Variants in SENP1 observed in about 807,000 individuals in gnomAD.
The protein encoded by SENP1 is sentrin-specific protease 1.
A neutral mutation model predicts 93.0 loss-of-function variants in SENP1; 21 were observed. The observed-to-expected ratio is 0.23, with a 90% CI of 0.16 to 0.33. The LOEUF is 0.33. Ranked by LOEUF, SENP1 falls within the 10% of genes least tolerant of loss-of-function variation. The pLI, the probability that SENP1 is intolerant of heterozygous loss-of-function variation, is 1.00. For missense variants in SENP1, 591 were observed against 758.7 expected, an observed-to-expected ratio of 0.78 and a Z score of 2.60; for synonymous variants, 256 against 259.6, an observed-to-expected ratio of 0.99 and a Z score of 0.13.
intron 6 of SENP1, chr12:48,080,497 ATTCCTGAAGTT>A (rs1944425561): frequency 1.3e-5 from 2 of 152,352 alleles, no homozygotes; most frequent in African/African-American, 4.8e-5. Context: ...AAGACTTCAT[ATTCCTGAAGTT>A]GATGGACAAA....
intron 9 of SENP1, among the ~76,000 whole-genome samples, chr12:48,068,081 C>T (rs1241296762): frequency 6.6e-6 from 1 of 152,050 alleles, no homozygotes; most frequent in Non-Finnish European, 1.5e-5. Flanking sequence ...ACCATGTTGG[C>T]CAGGCTGGTC....
chr12:48,086,828 C>G (rs1477348335), intron 5 of SENP1, among the ~76,000 whole-genome samples: 1 of 152,184 alleles, frequency 6.6e-6, no homozygotes, highest in East Asian at 1.9e-4. Context: ...ATCACAAGGT[C>G]TGGAGTTCGA....
At chr12:48,096,906 A>T (rs1945603779) in intron 3 of SENP1, among the ~76,000 whole-genome samples, 1 of 152,178 alleles carries the variant, frequency 6.6e-6, no homozygotes, top group Admixed American at 6.5e-5. Context: ...GGACTTCAAG[A>T]CTAGCAATGG....
At chr12:48,085,271 C>T (rs933948782) in intron 5 of SENP1, 139 of 1,554,082 alleles carry the variant, frequency 8.9e-5, no homozygotes, top group Admixed American at 7.7e-4. Flanking sequence ...ACCAGTACAT[C>T]GCAGAGATGG....
intron 5 of SENP1, chr12:48,085,109 G>T: frequency 7.2e-7 from 1 of 1,388,312 alleles, no homozygotes; most frequent in South Asian, 1.2e-5. Flanking sequence ...ACAAGGACAC[G>T]GTGACTGGTT....
chr12:48,065,545 C>G (rs1395416814), intron 11 of SENP1, 51 bp downstream of exon 11: 1 of 1,248,438 alleles, frequency 8.0e-7, no homozygotes, highest in East Asian at 2.5e-5. Flanking sequence ...AAAATAGTTT[C>G]TACTTTGATG....
intron 2 of SENP1, among the ~76,000 whole-genome samples, chr12:48,100,220 T>C (rs1368508005): frequency 6.6e-6 from 1 of 152,162 alleles, no homozygotes; most frequent in Non-Finnish European, 1.5e-5. Context: ...GTACTACAAA[T>C]GAAATAGTGA....
chr12:48,068,998 C>T (rs745595818), intron 9 of SENP1, among the ~76,000 whole-genome samples: 16 of 151,252 alleles, frequency 1.1e-4, no homozygotes, highest in Non-Finnish European at 2.1e-4. Context: ...ACTAAAAATA[C>T]AAAAATTAGC....
intron 13 of SENP1, 46 bp downstream of exon 13, chr12:48,063,664 C>A: frequency 6.3e-7 from 1 of 1,575,676 alleles, no homozygotes; most frequent in Non-Finnish European, 8.7e-7. Flanking sequence ...AATTTAACTG[C>A]CACTTAATGT....
chr12:48,074,543 A>C lies in SENP1; in HGVS notation c.721T>G (p.Cys241Gly). ...KDSLFKNGNS[C>G]ASQIIGSDTS... Reference sequence around the variant, plus strand: ...TCAGAGCCAATGATCTGAGATGCACAAGAGTTTCCATTTTTAAACAGTGAG... The same window carrying C: ...TCAGAGCCAATGATCTGAGATGCACCAGAGTTTCCATTTTTAAACAGTGAG... The change falls in exon 8 of 18, where the codon TGT becomes GGT. Residue 241 changes from cysteine to glycine, a missense_variant. Coordinates refer to ENST00000549518, the MANE Select transcript of SENP1 (RefSeq NM_001267594.2). 1.9e-6 allele frequency: 3 copies of C among 1,613,812 alleles called. No homozygotes were observed. The highest frequency in any genetic ancestry group is 2.5e-6 in the Non-Finnish European group (3 of 1,179,728).
At chr12:48,078,693 A>G (rs1944312361) in intron 6 of SENP1, among the ~76,000 whole-genome samples, 1 of 151,972 alleles carries the variant, frequency 6.6e-6, no homozygotes, top group African/African-American at 2.4e-5. Context: ...GCTAACTGAC[A>G]ATCTTATTTC....
chr12:48,105,205 A>G (rs1946408654), intron 1 of SENP1: 3 of 346,758 alleles, frequency 8.7e-6, no homozygotes, highest in Non-Finnish European at 1.7e-5. Flanking sequence ...TAATAAGTGT[A>G]CCAAATATGA....
At chr12:48,089,443 A>G (rs1168828074) in intron 4 of SENP1, 1 of 827,578 alleles carries the variant, frequency 1.2e-6, no homozygotes, top group Non-Finnish European at 1.6e-6. Context: ...ACTCTCTCAA[A>G]GAGCAGAGAT....
In SENP1 at chr12:48,085,174, T is replaced by G. The variant is rs953152203; in HGVS notation, c.381-1412A>C. 3.8e-5 allele frequency: 55 copies of G among 1,446,874 alleles called. No individual in the cohort carries two copies. In the Admixed American group the frequency reaches 9.1e-4, roughly 24 times the overall value. 89.6% of individuals were successfully genotyped at this position (1,446,874 alleles called of 1,614,324 possible). A position where few individuals can be genotyped will look rare whatever the true frequency, so the allele number is the denominator to read the frequency against. ...AAGAACTGCCACCCCAATTTCCTGG[T>G]GGTGGAGAAGGATACGACCATCAAT... On this transcript the variant is annotated intron_variant, in intron 5 of 17. Transcript: ENST00000549518.
At chr12:48,084,928 A>C in intron 5 of SENP1, 1 of 517,490 alleles carries the variant, frequency 1.9e-6, no homozygotes, top group African/African-American at 1.9e-5. Context: ...TCTGAATCCA[A>C]ATCAGACAAG....
At chr12:48,071,356 C>A (rs1036838334) in intron 9 of SENP1, among the ~76,000 whole-genome samples, 4 of 134,946 alleles carry the variant, frequency 3.0e-5, no homozygotes, top group African/African-American at 1.0e-4. Flanking sequence ...TGGCTCACGC[C>A]TGTAATCCCA....
intron 1 of SENP1, among the ~76,000 whole-genome samples, chr12:48,104,531 G>A (rs949673188): frequency 1.3e-5 from 2 of 152,024 alleles, no homozygotes; most frequent in African/African-American, 2.4e-5. Flanking sequence ...CTCTAACGCC[G>A]TAAACCCTAA....
chr12:48,055,203 G>T, intron 13 of SENP1: 1 of 205,224 alleles, frequency 4.9e-6, no homozygotes, highest in Non-Finnish European at 9.8e-6. Context: ...CACAGAGGCA[G>T]CACAACTTGT....
intron 6 of SENP1, 132 bp from the exon 7 acceptor site, chr12:48,074,925 G>A: frequency 4.7e-6 from 3 of 638,872 alleles, no homozygotes; most frequent in Non-Finnish European, 8.1e-6. Flanking sequence ...AAGAATTATG[G>A]GCCTAACACA....
Sources: allele counts gnomAD v4.1 joint callset (sites outside exome capture counted in the v4.1 genomes callset), GRCh38; gene constraint gnomAD v4.1.1; transcripts MANE v1.5; gene names NCBI Gene and HGNC (gene_info 2026-07-23, HGNC 2026-07-21).